SAFB2: variants seen among roughly 807,000 people sequenced by gnomAD.
The protein encoded by SAFB2 is scaffold attachment factor B2.
A neutral mutation model predicts 100.6 loss-of-function variants in SAFB2; 32 were observed. The observed-to-expected ratio is 0.32, with a 90% CI of 0.24 to 0.43. The LOEUF (loss-of-function observed/expected upper bound fraction) is 0.43, where lower values mean the gene tolerates loss of function less well. Ranked by LOEUF, SAFB2 falls within the 20% of genes least tolerant of loss-of-function variation. SAFB2 has a pLI of 1.00. For missense variants in SAFB2, 1,185 were observed against 1,163.4 expected, an observed-to-expected ratio of 1.02 and a Z score of -0.27; for synonymous variants, 500 against 439.4, an observed-to-expected ratio of 1.14 and a Z score of -1.72.
intron 4 of SAFB2, 178 bp from the exon 5 acceptor site, chr19:5,613,705 A>T (rs917230708): frequency 1.0e-6 from 1 of 985,048 alleles, no homozygotes; most frequent in African/African-American, 1.8e-5. Flanking sequence ...ACACTCCACG[A>T]CTCTGCTCCA....
At chr19:5,613,823 C>T (rs1006334512) in intron 4 of SAFB2, 1 of 758,930 alleles carries the variant, frequency 1.3e-6, no homozygotes, top group African/African-American at 1.9e-5. Context: ...TACCACATAC[C>T]CCTCCAATCA....
intron 4 of SAFB2, among the ~76,000 whole-genome samples, chr19:5,615,075 C>G (rs991606360): frequency 6.6e-6 from 1 of 152,118 alleles, no homozygotes; most frequent in African/African-American, 2.4e-5. Context: ...AGTCAAGTGG[C>G]TGGGCGCAGT....
rs561672518 is a variant in SAFB2 at position 5,590,259 on chromosome 19, C to A, written c.2525+19G>T. The A allele has an allele frequency of 3.2e-6, 5 of 1,562,976 alleles. No individual in the cohort carries two copies. The South Asian group carries it at 4.8e-5, about 15-fold the overall frequency. On this transcript the variant is annotated intron_variant, in intron 18 of 20. Transcript: ENST00000252542. ...GTTAGGACAGATGCTCCCCACCCGGCTGGGGCTCACCCACTAACCTGGGGG... is the reference window on the plus strand; with the variant it reads ...GTTAGGACAGATGCTCCCCACCCGGATGGGGCTCACCCACTAACCTGGGGG...
chr19:5,610,581 C>A, intron 8 of SAFB2, 58 bp downstream of exon 8: 1 of 1,280,584 alleles, frequency 7.8e-7, no homozygotes, highest in South Asian at 1.3e-5. Context: ...CTCCAGGCCC[C>A]TCCTCCCAAA....
intron 4 of SAFB2, among the ~76,000 whole-genome samples, chr19:5,615,581 T>C (rs920763924): frequency 6.6e-6 from 1 of 151,810 alleles, no homozygotes; most frequent in Non-Finnish European, 1.5e-5. Context: ...CTGGGCGTGG[T>C]GGTTCACTGT....
intron 2 of SAFB2, among the ~76,000 whole-genome samples, chr19:5,618,546 T>G (rs1438593465): frequency 6.6e-6 from 1 of 152,198 alleles, no homozygotes; most frequent in African/African-American, 2.4e-5. Flanking sequence ...TTATCTGCAT[T>G]TGACACGAGA....
intron 17 of SAFB2, among the ~76,000 whole-genome samples, chr19:5,590,609 T>TG (rs1218320979): frequency 6.6e-6 from 1 of 152,102 alleles, no homozygotes; most frequent in African/African-American, 2.4e-5. Context: ...CCCCTACAGC[T>TG]GCATCACTGC....
chr19:5,602,907 C>T (rs138853327), intron 11 of SAFB2, among the ~76,000 whole-genome samples: 46 of 142,698 alleles, frequency 3.2e-4, no homozygotes, highest in African/African-American at 9.9e-4. Flanking sequence ...GAGGGCTCAC[C>T]GCCCCCCCCA....
At chr19:5,589,503 G>C (rs1486692557) in intron 18 of SAFB2, among the ~76,000 whole-genome samples, 1 of 151,982 alleles carries the variant, frequency 6.6e-6, no homozygotes, top group Non-Finnish European at 1.5e-5. Context: ...GGCAGCCCTG[G>C]GCCAGGGCTG....
chr19:5,615,511 C>A (rs2053007350), intron 4 of SAFB2, among the ~76,000 whole-genome samples: 1 of 151,024 alleles, frequency 6.6e-6, no homozygotes, highest in Admixed American at 6.6e-5. Context: ...GGTTCAAGAT[C>A]AACCTGGGTA....
At chr19:5,605,051 G>T (rs757381039) in intron 9 of SAFB2, 115 bp from the exon 10 acceptor site, 1 of 1,216,126 alleles carries the variant, frequency 8.2e-7, no homozygotes, top group Non-Finnish European at 1.2e-6. Context: ...CCATATGGTA[G>T]TTTTCCATTT....
chr19:5,594,525 T>G (rs547564964), intron 14 of SAFB2, among the ~76,000 whole-genome samples: 1 of 152,242 alleles, frequency 6.6e-6, no homozygotes, highest in Non-Finnish European at 1.5e-5. Flanking sequence ...GGGACAAGCC[T>G]CCTTCAAGAC....
In SAFB2 at chr19:5,598,881, C is replaced by T. The variant is rs200529138; in HGVS notation, c.1694G>A (p.Ser565Asn). 1.0e-4 allele frequency: 166 copies of T among 1,614,080 alleles called. 1 individual carries two copies. Among genetic ancestry groups the T allele is most frequent in the South Asian group, 5.7e-4 (52 of 91,078 alleles). Residue 565 changes from serine to asparagine, a missense_variant, in exon 13 of 21, where the codon AGC becomes AAC. Around this residue, in one of 3 missense-constraint regions of SAFB2, gnomAD observed 740 missense variants for 687.1 expected, o/e 1.08. Transcript: ENST00000252542. ...TNRSRVTKSGSRGMERTVVMD... is the reference protein window; with the variant it reads ...TNRSRVTKSGNRGMERTVVMD... ...CACGACCGTCCGCTCCATTCCTCTG[C>T]TTCCTTCAGGAAAAAACACAACAAA...
At chr19:5,608,257 C>T (rs1172148272) in intron 9 of SAFB2, among the ~76,000 whole-genome samples, 8 of 152,206 alleles carry the variant, frequency 5.3e-5, no homozygotes, top group Non-Finnish European at 8.8e-5. Context: ...AATCTAAACA[C>T]GGCCTCCCCA....
At chr19:5,607,407 G>A (rs1030405647) in intron 9 of SAFB2, among the ~76,000 whole-genome samples, 14 of 152,088 alleles carry the variant, frequency 9.2e-5, no homozygotes, top group African/African-American at 2.9e-4. Flanking sequence ...CACAAAGATC[G>A]ACGGGAGGGG....
In SAFB2 at chr19:5,593,934, C is replaced by T. The variant is rs1320752666; in HGVS notation, c.2164G>A (p.Glu722Lys). ...CTCCGCCCGGGCCGCCGCTCCTGCT[C>T]GTAACGCAGCTGCTCCTGCTGGCGC... ...LRRQQEQLRYEQERRPGRRPY... is the reference protein window; with the variant it reads ...LRRQQEQLRYKQERRPGRRPY... Residue 722 changes from glutamate (E) to lysine (K), a missense_variant, in exon 15 of 21, where the codon GAG (glutamate) becomes AAG (lysine). Transcript: ENST00000252542. The T allele has an allele frequency of 1.3e-6, 2 of 1,550,558 alleles. No individual in the cohort carries two copies. The highest frequency in any genetic ancestry group is 1.7e-6 in the Non-Finnish European group (2 of 1,158,388).
intron 13 of SAFB2, among the ~76,000 whole-genome samples, chr19:5,597,549 G>T (rs773409967): frequency 3.2e-4 from 49 of 152,184 alleles, no homozygotes; most frequent in Non-Finnish European, 6.5e-4. Flanking sequence ...CACATCCTCT[G>T]TCTGTGGTCC....
chr19:5,606,757 T>A (rs1243374104), intron 9 of SAFB2, among the ~76,000 whole-genome samples: 1 of 152,200 alleles, frequency 6.6e-6, no homozygotes, highest in Non-Finnish European at 1.5e-5. Flanking sequence ...TGAAAATTTA[T>A]TTCAAAATGA....
chr19:5,597,143 T>TG (rs2145326251), intron 13 of SAFB2, among the ~76,000 whole-genome samples: 1 of 152,248 alleles, frequency 6.6e-6, no homozygotes, highest in African/African-American at 2.4e-5. Flanking sequence ...CAGGCAACAG[T>TG]GTCAGCACGG....
Sources: allele counts gnomAD v4.1 joint callset (sites outside exome capture counted in the v4.1 genomes callset), GRCh38; gene constraint gnomAD v4.1.1; regional missense constraint gnomAD v4.1.1; transcripts MANE v1.5; gene names NCBI Gene and HGNC (gene_info 2026-07-23, HGNC 2026-07-21).